The following PHACTR1 variants were observed in gnomAD, a reference collection of about 807,000 sequenced individuals.
PHACTR1 encodes RPEL repeat containing 1.
A neutral mutation model predicts 69.2 loss-of-function variants in PHACTR1; 16 were observed. The ratio of observed to expected loss-of-function variants is 0.23; its 90% confidence interval spans 0.16 to 0.35. PHACTR1 has a LOEUF of 0.35. PHACTR1 is among the 10% of genes least tolerant of loss of function. The pLI is 1.00. For synonymous variants in PHACTR1, 312 were observed against 284.5 expected, an observed-to-expected ratio of 1.10 and a Z score of -0.97; for missense variants, 510 against 734.7, an observed-to-expected ratio of 0.69 and a Z score of 3.54.
At chr6:12,853,840 C>T (rs917137368) in intron 4 of PHACTR1, among the ~76,000 whole-genome samples, 8 of 152,106 alleles carry the variant, frequency 5.3e-5, no homozygotes, top group African/African-American at 1.9e-4. Context: ...GAGCTGTATA[C>T]GATTCAAGAT....
At chr6:12,809,975 A>T (rs955613998) in intron 4 of PHACTR1, among the ~76,000 whole-genome samples, 1 of 152,206 alleles carries the variant, frequency 6.6e-6, no homozygotes. Flanking sequence ...CTAGGACTCT[A>T]ATACTAGGAG....
chr6:12,933,485 G>A (rs1474073050), intron 4 of PHACTR1: 2 of 1,343,896 alleles, frequency 1.5e-6, no homozygotes, highest in African/African-American at 1.5e-5. Flanking sequence ...GGAGAAACTA[G>A]AAGATGGACA....
At position 13,053,389 on chromosome 6, in the gene PHACTR1, C is replaced by A. The variant is rs767982489; in HGVS notation, c.275C>A (p.Ala92Glu). The change falls in exon 5 of 15, where the codon GCG becomes GAG. Residue 92 changes from alanine (A) to glutamate (E), a missense_variant. Ala to Glu is a moderately radical substitution (Grantham distance 107). Coordinates refer to ENST00000332995, the MANE Select transcript of PHACTR1 (RefSeq NM_030948.6). ...GAAEEVERLA[A>E]MRSDSLVPGT... ...GCTGAGGAAGTGGAGAGGCTGGCGG[C>A]GATGCGTTCTGACTCCCTCGTCCCA... 2.5e-6 allele frequency: 4 copies of A among 1,609,670 alleles called. No individual in the cohort carries two copies. The highest frequency in any genetic ancestry group is 3.4e-6 in the Non-Finnish European group (4 of 1,177,992).
chr6:13,053,437 G>A lies in PHACTR1; in HGVS notation c.323G>A (p.Arg108His), dbSNP rs749322966. ...CCAGGCACCCACACCCCACCCATCC[G>A]CAGGAGAAGTAAGTTTGCCAACCTG... ...LVPGTHTPPIRRRSKFANLGR... is the reference protein window; with the variant it reads ...LVPGTHTPPIHRRSKFANLGR... The change falls in exon 5 of 15, where the codon CGC (arginine) becomes CAC (histidine). Residue 108 changes from arginine (R) to histidine (H), a missense_variant. Coordinates refer to ENST00000332995, the MANE Select transcript of PHACTR1 (RefSeq NM_030948.6). 1.2e-5 allele frequency: 19 copies of A among 1,613,664 alleles called. No individual in the cohort carries two copies. The highest frequency in any genetic ancestry group is 4.5e-5 in the East Asian group (2 of 44,856).
chr6:13,131,208 TACACAC>T lies in PHACTR1; in HGVS notation c.416-28963_416-28958del, dbSNP rs56329629. On this transcript the variant is annotated intron_variant, in intron 5 of 14. Coordinates refer to ENST00000332995, the MANE Select transcript of PHACTR1 (RefSeq NM_030948.6). Reference sequence around the variant, plus strand: ...ACACACACACATATATATATACACATACACACACACACACACACACACACACACACA... The same window carrying T: ...ACACACACACATATATATATACACATACACACACACACACACACACACACA... Among the ~76,000 whole-genome samples, 546 of 146,460 alleles carry T rather than the reference TACACAC, an allele frequency of 3.7e-3. 5 individuals carry two copies. The highest frequency in any genetic ancestry group is 0.012 in the African/African-American group (479 of 38,384).
chr6:12,823,986 G>A (rs1221000885), intron 4 of PHACTR1, among the ~76,000 whole-genome samples: 1 of 152,102 alleles, frequency 6.6e-6, no homozygotes, highest in Non-Finnish European at 1.5e-5. Flanking sequence ...CCAGGGACTG[G>A]TACTGGTCTG....
At chr6:13,115,018 T>G (rs1242091530) in intron 5 of PHACTR1, among the ~76,000 whole-genome samples, 2 of 152,148 alleles carry the variant, frequency 1.3e-5, no homozygotes, top group Non-Finnish European at 2.9e-5. Context: ...TAAGGTCACT[T>G]AGTGACTGAT....
intron 4 of PHACTR1, among the ~76,000 whole-genome samples, chr6:12,825,945 CTT>C (rs1776758740): frequency 6.6e-6 from 1 of 152,160 alleles, no homozygotes; most frequent in East Asian, 1.9e-4. Flanking sequence ...TAGGAGGGGA[CTT>C]TTCACAACTC....
chr6:12,962,309 G>T, intron 4 of PHACTR1, among the ~76,000 whole-genome samples: 1 of 152,028 alleles, frequency 6.6e-6, no homozygotes, highest in East Asian at 1.9e-4. Flanking sequence ...TCTCTTTCAA[G>T]GCCCTTTCTC....
chr6:12,797,598 G>T (rs181177579), intron 4 of PHACTR1, among the ~76,000 whole-genome samples: 9 of 152,290 alleles, frequency 5.9e-5, no homozygotes, highest in African/African-American at 2.2e-4. Flanking sequence ...AGTACAGTGG[G>T]AGCATAGGGG....
rs1039344695 is a variant in PHACTR1, at chr6:12,749,890, C to T, written c.250+100C>T. On this transcript the variant is annotated intron_variant, in intron 4 of 14. Coordinates refer to ENST00000332995, the MANE Select transcript of PHACTR1 (RefSeq NM_030948.6). ...TCCCGGGCGTCCTCCCCGCCGCCCC[C>T]CGCAGTCGGGCGCTCAGCACTCGCG... is the stretch of plus-strand genomic sequence containing the variant. 6 of 1,190,230 alleles carry T rather than the reference C, an allele frequency of 5.0e-6. No individual in the cohort carries two copies. The Admixed American group carries it at 1.5e-4, about 29-fold the overall frequency. 73.7% of individuals were successfully genotyped at this position (1,190,230 alleles called of 1,614,324 possible). A position where few individuals can be genotyped will look rare whatever the true frequency, so the allele number is the denominator to read the frequency against.
intron 4 of PHACTR1, among the ~76,000 whole-genome samples, chr6:12,843,386 T>C (rs938194589): frequency 2.0e-5 from 3 of 152,098 alleles, no homozygotes; most frequent in Non-Finnish European, 2.9e-5. Context: ...GTCTAGAATC[T>C]GGTGTAGAAG....
Position 12,953,993 on chromosome 6 carries a change from C to T in PHACTR1, c.251-99372C>T, listed in dbSNP as rs140228275. 7.2e-4 allele frequency among the ~76,000 whole-genome samples: 110 copies of T among 152,120 alleles called. No individual in the cohort carries two copies. In the East Asian group the frequency reaches 9.8e-3, roughly 14 times the overall value. On this transcript the variant is annotated intron_variant, in intron 4 of 14. Transcript: ENST00000332995. ...GTTATAATACATTGACTAATAAAAG[C>T]GGCGTGATGACATAGGTGAGGAAAC...
At position 13,028,212 on chromosome 6, in the gene PHACTR1, G is replaced by C. The variant is rs552183461; in HGVS notation, c.251-25153G>C. 3.3e-5 allele frequency among the ~76,000 whole-genome samples: 5 copies of C among 152,246 alleles called. No individual in the cohort carries two copies. The East Asian group carries it at 9.7e-4, about 29-fold the overall frequency. On this transcript the variant is annotated intron_variant, in intron 4 of 14. Transcript: ENST00000332995. ...AGAGGAAAATTAATGTGCTGCGTTA[G>C]AATCTTCCAATAGAAAGTACTGTAT...
intron 5 of PHACTR1, among the ~76,000 whole-genome samples, chr6:13,116,549 A>G (rs949447938): frequency 2.0e-5 from 3 of 152,152 alleles, no homozygotes; most frequent in Non-Finnish European, 4.4e-5. Context: ...GATGGAGGAA[A>G]TTGGTGGGGA....
chr6:13,179,405 CGTGTGTGT>C lies in PHACTR1; in HGVS notation c.497-3081_497-3074del, dbSNP rs4053019. ...TATACAGCCCATTACATTAATGTTT[CGTGTGTGT>C]GTGTGTGTGTGTGTGTGTGTGTGTG... On this transcript the variant is annotated intron_variant, in intron 6 of 14. Transcript: ENST00000332995. This position sits in a 1 kb window ranked among gnomAD's most constrained non-coding sequence, Gnocchi z 4.2. 4.1e-3 allele frequency among the ~76,000 whole-genome samples: 589 copies of C among 142,038 alleles called. 3 individuals are homozygous for C. Among genetic ancestry groups the C allele is most frequent in the East Asian group, 0.012 (59 of 4,910 alleles). The allele number at this position is 142,038 out of a possible 152,430, so 93.2% of individuals were successfully genotyped here.
At chr6:13,174,840 G>A (rs1761104003) in intron 6 of PHACTR1, among the ~76,000 whole-genome samples, 1 of 152,144 alleles carries the variant, frequency 6.6e-6, no homozygotes, top group Non-Finnish European at 1.5e-5. Context: ...TAAACAATGA[G>A]AGTGATTTTG....
intron 4 of PHACTR1, among the ~76,000 whole-genome samples, chr6:12,847,908 C>G (rs967778396): frequency 6.6e-6 from 1 of 152,086 alleles, no homozygotes; most frequent in Non-Finnish European, 1.5e-5. Context: ...CTCACTGATA[C>G]CAGTTAACTG....
Position 13,233,816 on chromosome 6 carries a change from G to A in PHACTR1, c.1391+3623G>A, listed in dbSNP as rs138627236. ...ACAGAAAGACAAAGTAGAGAAGGCA[G>A]CATATTCAAGCCATTGAGATGGCCT... On this transcript the variant is annotated intron_variant, in intron 10 of 14. Transcript: ENST00000332995. Among the ~76,000 whole-genome samples the A allele has an allele frequency of 5.9e-5, 9 of 152,320 alleles. No individual in the cohort carries two copies. The East Asian group carries it at 1.7e-3, about 29-fold the overall frequency.
Sources: gnomAD v4.1 joint callset for allele counts (sites outside exome capture counted in the v4.1 genomes callset) on GRCh38, gnomAD v4.1.1 for gene constraint, Gnocchi (gnomAD v3.1) non-coding constraint, MANE v1.5 for transcripts, NCBI Gene and HGNC (gene_info 2026-07-23, HGNC 2026-07-21) for gene names.